Variants in MIS18A observed in about 807,000 individuals in gnomAD.
The protein encoded by MIS18A is protein Mis18-alpha.
In MIS18A, 14 loss-of-function variants were observed where a neutral mutation model predicts 25.0. The ratio of observed to expected loss-of-function variants is 0.56; its 90% CI spans 0.37 to 0.88. The LOEUF (loss-of-function observed/expected upper bound fraction) is 0.88, where lower values mean the gene tolerates loss of function less well. MIS18A is among the 40% of genes least tolerant of loss of function. The pLI, the probability that MIS18A is intolerant of heterozygous loss-of-function variation, is 0.00. For synonymous variants in MIS18A, 134 were observed against 118.6 expected (o/e 1.13, Z -0.84); for missense variants, 292 against 290.8 (o/e 1.00, Z -0.03).
chr21:32,180,843 C>A, the MIS18A span, among the ~76,000 whole-genome samples: 2,023 of 152,292 alleles, frequency 0.013, 48 homozygotes, highest in African/African-American at 0.046. Flanking sequence ...AGTTCAGTCT[C>A]TTCTGAACAT....
downstream of MIS18A, among the ~76,000 whole-genome samples, chr21:32,265,640 C>G (rs560858226): frequency 3.9e-4 from 59 of 152,344 alleles, no homozygotes; most frequent in African/African-American, 1.4e-3. Context: ...CTGTGTGGCC[C>G]GAGCCTCCCC....
chr21:32,231,206 A>C, the MIS18A span, among the ~76,000 whole-genome samples: 8 of 151,416 alleles, frequency 5.3e-5, no homozygotes, highest in Non-Finnish European at 1.2e-4. Flanking sequence ...ACTGCACTCC[A>C]GCCTAGGCGA....
the MIS18A span, among the ~76,000 whole-genome samples, chr21:32,239,175 T>A: frequency 6.6e-6 from 1 of 152,194 alleles, no homozygotes; most frequent in Admixed American, 6.5e-5. Flanking sequence ...AAGAACTATT[T>A]TAAAGAAGTT....
At chr21:32,183,450 A>G in the MIS18A span, among the ~76,000 whole-genome samples, 2 of 152,236 alleles carry the variant, frequency 1.3e-5, no homozygotes, top group Non-Finnish European at 2.9e-5. Flanking sequence ...TTTCTCATAT[A>G]CAATAAGTAT....
At chr21:32,240,942 T>G in the MIS18A span, among the ~76,000 whole-genome samples, 1 of 152,216 alleles carries the variant, frequency 6.6e-6, no homozygotes, top group East Asian at 1.9e-4. Flanking sequence ...CATTCATGGC[T>G]CATGTCTGGG....
intron 2 of MIS18A, among the ~76,000 whole-genome samples, chr21:32,271,807 CA>C (rs1374104012): frequency 6.6e-6 from 1 of 152,148 alleles, no homozygotes; most frequent in Non-Finnish European, 1.5e-5. Flanking sequence ...AAATTACTCA[CA>C]GTGAACAGGT....
At chr21:32,162,851 C>T in the MIS18A span, among the ~76,000 whole-genome samples, 7 of 152,204 alleles carry the variant, frequency 4.6e-5, no homozygotes, top group Non-Finnish European at 8.8e-5. Context: ...AAGCCAGGGG[C>T]ACATGGCCAA....
intron 2 of MIS18A, among the ~76,000 whole-genome samples, chr21:32,273,026 A>G (rs191599165): frequency 1.6e-3 from 240 of 152,196 alleles, no homozygotes; most frequent in Non-Finnish European, 2.7e-3. Context: ...CCAAATTTTT[A>G]TGGCCTGCAT....
chr21:32,203,613 CTTTTTTTT>C, the MIS18A span, among the ~76,000 whole-genome samples: 2 of 85,388 alleles, frequency 2.3e-5, no homozygotes, highest in Non-Finnish European at 4.3e-5. Context: ...TTTTTAAATG[CTTTTTTTT>C]TTTTTTTTTT....
At chr21:32,177,571 G>A in the MIS18A span, among the ~76,000 whole-genome samples, 5 of 152,086 alleles carry the variant, frequency 3.3e-5, no homozygotes, top group South Asian at 2.1e-4. Context: ...GCAGACAGTT[G>A]AGTAATTTTA....
At chr21:32,220,402 A>G in the MIS18A span, among the ~76,000 whole-genome samples, 1 of 152,238 alleles carries the variant, frequency 6.6e-6, no homozygotes, top group Admixed American at 6.5e-5. Context: ...TGTTAGAAGG[A>G]AAACTAACAA....
chr21:32,209,732 T>C, the MIS18A span, among the ~76,000 whole-genome samples: 3 of 152,184 alleles, frequency 2.0e-5, no homozygotes, highest in Non-Finnish European at 4.4e-5. Flanking sequence ...GTTCTCATCA[T>C]AGTGAGTGAG....
chr21:32,207,107 T>C, the MIS18A span, among the ~76,000 whole-genome samples: 4 of 152,166 alleles, frequency 2.6e-5, no homozygotes, highest in African/African-American at 9.7e-5. Flanking sequence ...TAATGACACA[T>C]TTTTTTATGA....
chr21:32,256,267 C>T, the MIS18A span, among the ~76,000 whole-genome samples: 1 of 152,112 alleles, frequency 6.6e-6, no homozygotes, highest in African/African-American at 2.4e-5. Flanking sequence ...ACCACTGCCT[C>T]GAAGTCTTTT....
At chr21:32,155,909 T>A in the MIS18A span, among the ~76,000 whole-genome samples, 1 of 151,834 alleles carries the variant, frequency 6.6e-6, no homozygotes, top group African/African-American at 2.4e-5. Flanking sequence ...TAGGCTATAC[T>A]AGTTTCAGTC....
At chr21:32,270,572 C>T in intron 2 of MIS18A, 43 bp from the exon 3 acceptor site, 1 of 1,478,670 alleles carries the variant, frequency 6.8e-7, no homozygotes, top group Non-Finnish European at 9.0e-7. Flanking sequence ...GAAGCAGCAA[C>T]TCATTATAAT....
chr21:32,223,836 T>A, the MIS18A span, among the ~76,000 whole-genome samples: 1 of 152,140 alleles, frequency 6.6e-6, no homozygotes, highest in Non-Finnish European at 1.5e-5. Flanking sequence ...AAAAGAAAAT[T>A]TCAGGCCAAT....
chr21:32,197,385 C>T, the MIS18A span, among the ~76,000 whole-genome samples: 1 of 152,218 alleles, frequency 6.6e-6, no homozygotes, highest in African/African-American at 2.4e-5. Flanking sequence ...CACTGCCCAT[C>T]TATAGTTCTT....
At chr21:32,232,364 C>G in the MIS18A span, among the ~76,000 whole-genome samples, 1 of 151,040 alleles carries the variant, frequency 6.6e-6, no homozygotes, top group Non-Finnish European at 1.5e-5. Context: ...ATATATGTAT[C>G]TATGTGGTAT....
Sources: allele counts gnomAD v4.1 joint callset (sites outside exome capture counted in the v4.1 genomes callset), GRCh38; gene constraint gnomAD v4.1.1; transcripts MANE v1.5; gene names NCBI Gene and HGNC (gene_info 2026-07-23, HGNC 2026-07-21).